The following TRAPPC9 variants were observed in gnomAD, a reference collection of about 807,000 sequenced individuals.
TRAPPC9 encodes trafficking protein particle complex subunit 9, also known as IKK2 binding protein.
Under a neutral mutation model 124.0 loss-of-function variants are expected in TRAPPC9, and 83 were observed. The ratio of observed to expected loss-of-function variants is 0.67; its 90% confidence interval spans 0.56 to 0.80. TRAPPC9 has a LOEUF of 0.80. Among genes scored for constraint, TRAPPC9 ranks in the 30% least tolerant of loss-of-function variants. The pLI is 0.00. For synonymous variants in TRAPPC9, 638 were observed against 617.5 expected, an observed-to-expected ratio of 1.03 and a Z score of -0.49; for missense variants, 1,302 against 1,508.3, an observed-to-expected ratio of 0.86 and a Z score of 2.27.
intron 5 of TRAPPC9, among the ~76,000 whole-genome samples, chr8:140,417,069 CAA>C (rs2069961403): frequency 6.6e-6 from 1 of 152,162 alleles, no homozygotes; most frequent in African/African-American, 2.4e-5. Flanking sequence ...AAAATTAACT[CAA>C]GATGGATTAA....
chr8:140,043,260 AG>A (rs1363600413), intron 17 of TRAPPC9, among the ~76,000 whole-genome samples: 1 of 152,234 alleles, frequency 6.6e-6, no homozygotes, highest in Non-Finnish European at 1.5e-5. Context: ...ATTGGAAAAG[AG>A]GGTAAAGAAA....
At chr8:140,229,891 G>A (rs1292579818) in intron 16 of TRAPPC9, among the ~76,000 whole-genome samples, 1 of 152,066 alleles carries the variant, frequency 6.6e-6, no homozygotes, top group Non-Finnish European at 1.5e-5. Context: ...ATATTCCCTT[G>A]GCCTCTAAAA....
intron 17 of TRAPPC9, among the ~76,000 whole-genome samples, chr8:140,079,745 C>T (rs534181858): frequency 4.6e-5 from 7 of 152,108 alleles, no homozygotes; most frequent in South Asian, 2.1e-4. Flanking sequence ...GCCTGCCCAA[C>T]GTGGCAAAAC....
chr8:140,402,724 C>G (rs1430620826), intron 6 of TRAPPC9, among the ~76,000 whole-genome samples: 1 of 150,166 alleles, frequency 6.7e-6, no homozygotes, highest in Non-Finnish European at 1.5e-5. Flanking sequence ...AAGAAAGAAA[C>G]ACTCTTAGAT....
intron 17 of TRAPPC9, among the ~76,000 whole-genome samples, chr8:140,183,096 C>T (rs1417138195): frequency 6.6e-6 from 1 of 152,080 alleles, no homozygotes; most frequent in African/African-American, 2.4e-5. Flanking sequence ...TACCACTGAG[C>T]CATAATCTCC....
chr8:140,401,632 AT>A (rs146521869), intron 6 of TRAPPC9, among the ~76,000 whole-genome samples: 4 of 151,164 alleles, frequency 2.6e-5, no homozygotes, highest in Non-Finnish European at 5.9e-5. Flanking sequence ...ATGAAAAATT[AT>A]TTTTTTTTGA....
intron 17 of TRAPPC9, among the ~76,000 whole-genome samples, chr8:140,080,457 C>T (rs2129986150): frequency 6.6e-6 from 1 of 152,326 alleles, no homozygotes; most frequent in South Asian, 2.1e-4. Context: ...ATCTGTTCGG[C>T]TTCTGGTGAG....
chr8:139,811,006 C>T (rs1368040229), intron 21 of TRAPPC9, among the ~76,000 whole-genome samples: 1 of 152,102 alleles, frequency 6.6e-6, no homozygotes, highest in Admixed American at 6.5e-5. Flanking sequence ...TTGAGGACCA[C>T]CTTTAAAGTA....
chr8:140,311,484 A>G, intron 9 of TRAPPC9, 110 bp from the exon 10 acceptor site: 1 of 1,350,162 alleles, frequency 7.4e-7, no homozygotes, highest in Admixed American at 1.8e-5. Flanking sequence ...CAATCTTCTG[A>G]CAGAAATGAA....
intron 20 of TRAPPC9, 89 bp downstream of exon 20, chr8:139,910,058 A>C: frequency 6.8e-7 from 1 of 1,477,562 alleles, no homozygotes; most frequent in Non-Finnish European, 9.2e-7. Context: ...GTGAAAATTC[A>C]ATAGCTAAGA....
chr8:140,296,159 G>T (rs1483300017), intron 11 of TRAPPC9, among the ~76,000 whole-genome samples: 1 of 152,144 alleles, frequency 6.6e-6, no homozygotes, highest in Non-Finnish European at 1.5e-5. Context: ...TAATAATGCC[G>T]GCAGCATCAG....
chr8:139,881,048 C>A (rs906146428), intron 21 of TRAPPC9: 1 of 152,252 alleles, frequency 6.6e-6, no homozygotes, highest in Non-Finnish European at 1.5e-5. Context: ...GCCAACATGC[C>A]TCTGTGCCCA....
At chr8:140,065,989 C>A (rs938579774) in intron 17 of TRAPPC9, among the ~76,000 whole-genome samples, 4 of 152,122 alleles carry the variant, frequency 2.6e-5, no homozygotes, top group African/African-American at 9.7e-5. Context: ...TGGATCTGGG[C>A]AAAGTACATT....
intron 9 of TRAPPC9, among the ~76,000 whole-genome samples, chr8:140,352,294 T>C (rs1001167225): frequency 7.2e-5 from 11 of 152,224 alleles, no homozygotes; most frequent in African/African-American, 2.7e-4. Flanking sequence ...CAAAAACTTC[T>C]TTTATTTTAG....
At chr8:140,178,708 TATA>T (rs2062128969) in intron 17 of TRAPPC9, among the ~76,000 whole-genome samples, 1 of 152,150 alleles carries the variant, frequency 6.6e-6, no homozygotes, top group Non-Finnish European at 1.5e-5. Context: ...TCCTCTTTAT[TATA>T]ATGTGATAAA....
chr8:139,852,289 G>A (rs774417507), intron 21 of TRAPPC9, among the ~76,000 whole-genome samples: 4 of 152,082 alleles, frequency 2.6e-5, no homozygotes, highest in Non-Finnish European at 4.4e-5. Context: ...GTCTTTATCA[G>A]CAGCATGAAA....
intron 20 of TRAPPC9, among the ~76,000 whole-genome samples, chr8:139,891,277 C>A (rs1361209479): frequency 6.6e-6 from 1 of 152,248 alleles, no homozygotes; most frequent in Non-Finnish European, 1.5e-5. Flanking sequence ...GTAAGGGAAT[C>A]TCATCAGCAA....
chr8:139,790,209 C>A (rs986088599), intron 21 of TRAPPC9, among the ~76,000 whole-genome samples: 2 of 152,182 alleles, frequency 1.3e-5, no homozygotes, highest in Non-Finnish European at 2.9e-5. Context: ...GCCTCAAAAA[C>A]AGCCTATTTT....
intron 18 of TRAPPC9, among the ~76,000 whole-genome samples, chr8:140,020,284 G>T (rs1182790171): frequency 2.0e-5 from 3 of 152,034 alleles, no homozygotes; most frequent in Non-Finnish European, 4.4e-5. Context: ...GGTACATTTT[G>T]CTATCCTTAT....
Sources: allele counts gnomAD v4.1 joint callset (sites outside exome capture counted in the v4.1 genomes callset), GRCh38; gene constraint gnomAD v4.1.1; transcripts MANE v1.5; gene names NCBI Gene and HGNC (gene_info 2026-07-23, HGNC 2026-07-21).